Variants in UBE2F observed in about 807,000 individuals in gnomAD.
UBE2F encodes ubiquitin conjugating enzyme E2 F (putative), also known as NEDD8-conjugating enzyme UBE2F.
UBE2F carries 5 observed loss-of-function variants against 29.6 expected under a neutral mutation model. The observed-to-expected ratio is 0.17, with a 90% CI of 0.09 to 0.36. The LOEUF (loss-of-function observed/expected upper bound fraction) is 0.36. UBE2F is among the 10% of genes least tolerant of loss of function. UBE2F has a pLI of 1.00. For missense variants in UBE2F, 141 were observed against 228.5 expected, an observed-to-expected ratio of 0.62 and a Z score of 2.47; for synonymous variants, 66 against 81.8, an observed-to-expected ratio of 0.81 and a Z score of 1.04.
intron 3 of UBE2F, among the ~76,000 whole-genome samples, chr2:237,991,672 G>A (rs1307559605): frequency 2.3e-5 from 3 of 129,036 alleles, no homozygotes; most frequent in Non-Finnish European, 3.1e-5. Flanking sequence ...GCGCGATCTC[G>A]GCTCACTGCG....
intron 4 of UBE2F, among the ~76,000 whole-genome samples, chr2:237,997,795 A>G (rs2063719538): frequency 1.3e-5 from 2 of 152,242 alleles, no homozygotes; most frequent in African/African-American, 4.8e-5. Flanking sequence ...GGGAATAAAT[A>G]CACTCTTTAG....
intron 9 of UBE2F, among the ~76,000 whole-genome samples, chr2:238,041,075 CT>C (rs777396895): frequency 6.6e-6 from 1 of 152,166 alleles, no homozygotes; most frequent in Non-Finnish European, 1.5e-5. Context: ...GTGCTCCCCC[CT>C]CAACATACCC....
chr2:237,977,515 A>C (rs568630266), intron 2 of UBE2F, among the ~76,000 whole-genome samples: 2 of 152,326 alleles, frequency 1.3e-5, no homozygotes, highest in East Asian at 1.9e-4. Context: ...CACAAAGTGC[A>C]ACAAGAGTGC....
intron 4 of UBE2F, among the ~76,000 whole-genome samples, chr2:238,013,881 C>G (rs1231470697): frequency 6.6e-6 from 1 of 152,182 alleles, no homozygotes; most frequent in African/African-American, 2.4e-5. Flanking sequence ...ATTTTAAAAC[C>G]TAGTTGTCTG....
At chr2:237,977,292 C>T (rs1041171783) in intron 2 of UBE2F, among the ~76,000 whole-genome samples, 1 of 152,182 alleles carries the variant, frequency 6.6e-6, no homozygotes, top group African/African-American at 2.4e-5. Flanking sequence ...TCCATCCTCC[C>T]CAGGCACTGG....
intron 1 of UBE2F, among the ~76,000 whole-genome samples, chr2:237,971,141 G>A (rs986283008): frequency 2.6e-5 from 4 of 152,180 alleles, no homozygotes; most frequent in Non-Finnish European, 4.4e-5. Context: ...AATGAGGAAC[G>A]GAGTATTCTT....
chr2:238,026,515 G>GC (rs2064433914), intron 6 of UBE2F, among the ~76,000 whole-genome samples: 1 of 152,030 alleles, frequency 6.6e-6, no homozygotes, highest in East Asian at 1.9e-4. Context: ...CTCACTGCAA[G>GC]CTCCGCCTCC....
At chr2:238,031,780 A>G (rs1233270491) in intron 7 of UBE2F, among the ~76,000 whole-genome samples, 1 of 152,268 alleles carries the variant, frequency 6.6e-6, no homozygotes, top group East Asian at 1.9e-4. Flanking sequence ...AAAACTTAAT[A>G]GGATGAGGGG....
intron 2 of UBE2F, among the ~76,000 whole-genome samples, chr2:237,978,018 A>G (rs550653946): frequency 7.2e-5 from 11 of 152,250 alleles, no homozygotes; most frequent in Middle Eastern, 3.4e-3. Flanking sequence ...AGGGAGACTC[A>G]AGCAGCAAGG....
intron 2 of UBE2F, among the ~76,000 whole-genome samples, chr2:237,981,614 C>CTTTTTTTTT (rs139270010): frequency 1.6e-5 from 1 of 62,370 alleles, no homozygotes; most frequent in Non-Finnish European, 2.8e-5. Context: ...AATTTGAATT[C>CTTTTTTTTT]TTTTTTTTTT....
At chr2:237,989,197 A>G (rs115224217) in intron 3 of UBE2F, among the ~76,000 whole-genome samples, 176 of 152,224 alleles carry the variant, frequency 1.2e-3, no homozygotes, top group Admixed American at 5.0e-3. Context: ...GGTGAGTGCT[A>G]GAGAGAACTT....
At chr2:238,004,266 G>C (rs948849774) in intron 4 of UBE2F, among the ~76,000 whole-genome samples, 1 of 152,124 alleles carries the variant, frequency 6.6e-6, no homozygotes, top group Admixed American at 6.5e-5. Flanking sequence ...ATTTTCACCA[G>C]CATTTAGTTG....
At chr2:237,968,627 G>T (rs572765803) in intron 1 of UBE2F, among the ~76,000 whole-genome samples, 4 of 152,196 alleles carry the variant, frequency 2.6e-5, no homozygotes, top group Non-Finnish European at 5.9e-5. Flanking sequence ...GCCATTGCTT[G>T]CAGGGATGCT....
At chr2:238,016,673 G>A in intron 5 of UBE2F, 40 bp downstream of exon 5, 3 of 1,587,240 alleles carry the variant, frequency 1.9e-6, no homozygotes, top group South Asian at 1.2e-5. Flanking sequence ...TACTTCTCGG[G>A]CGGGGCTGCC....
At chr2:237,999,569 G>A (rs1229839210) in intron 4 of UBE2F, among the ~76,000 whole-genome samples, 1 of 152,166 alleles carries the variant, frequency 6.6e-6, no homozygotes. Context: ...GAGTAAGACA[G>A]AGGTTGAGAT....
chr2:237,998,582 C>T (rs1039163645), intron 4 of UBE2F, among the ~76,000 whole-genome samples: 49 of 150,072 alleles, frequency 3.3e-4, no homozygotes, highest in Admixed American at 6.0e-4. Context: ...TATCAATAAA[C>T]CAAAAGCTAT....
chr2:237,990,178 C>T (rs1273450613), intron 3 of UBE2F, among the ~76,000 whole-genome samples: 2 of 147,110 alleles, frequency 1.4e-5, no homozygotes, highest in African/African-American at 5.0e-5. Context: ...AAGTAGTTTG[C>T]TTTAAAATGC....
chr2:238,036,664 G>C (rs2064716628), intron 9 of UBE2F, among the ~76,000 whole-genome samples: 1 of 152,076 alleles, frequency 6.6e-6, no homozygotes, highest in Non-Finnish European at 1.5e-5. Context: ...GCAAAACTCT[G>C]TCTTTACAAA....
chr2:238,041,550 G>C lies in UBE2F; in HGVS notation c.*212G>C. ...ATAAATACAGCAAGAAAATGTGTTT[G>C]GGCTTCTGAAGAGTTGTCTGCTTAC... On this transcript the variant is annotated 3_prime_UTR_variant, in exon 10 of 10. Transcript: ENST00000272930. 1 of 533,600 alleles carries C rather than the reference G, an allele frequency of 1.9e-6. No individual in the cohort carries two copies. The highest frequency in any genetic ancestry group is 3.1e-5 in the East Asian group (1 of 32,084). The allele number at this position is 533,600 out of a possible 1,614,324, so 33.1% of individuals were successfully genotyped here.
Sources: allele counts gnomAD v4.1 joint callset (sites outside exome capture counted in the v4.1 genomes callset), GRCh38; gene constraint gnomAD v4.1.1; transcripts MANE v1.5; gene names NCBI Gene and HGNC (gene_info 2026-07-23, HGNC 2026-07-21).